The following ST13 variants were observed in gnomAD, a reference collection of about 807,000 sequenced individuals.
The protein encoded by ST13 is hsc70-interacting protein.
ST13 carries 23 observed loss-of-function variants against 56.7 expected under a neutral mutation model. That is an observed-to-expected ratio of 0.41 (90% confidence interval 0.29 to 0.57). ST13 has a LOEUF of 0.57. Ranked by LOEUF, ST13 falls within the 20% of genes least tolerant of loss-of-function variation. The probability of loss-of-function intolerance (pLI) is 0.36; values close to 1 mark genes in which losing one functional copy is unlikely to be tolerated. For synonymous variants in ST13, 132 were observed against 142.4 expected (o/e 0.93, Z 0.52); for missense variants, 369 against 459.9 (o/e 0.80, Z 1.81).
chr22:40,827,439 A>T, intron 10 of ST13, among the ~76,000 whole-genome samples: 1 of 152,092 alleles, frequency 6.6e-6, no homozygotes, highest in Non-Finnish European at 1.5e-5. Context: ...AGACTTTGCT[A>T]CCTCCTGGAT....
chr22:40,847,515 C>T (rs963933019), intron 3 of ST13, among the ~76,000 whole-genome samples: 1 of 148,510 alleles, frequency 6.7e-6, no homozygotes, highest in African/African-American at 2.5e-5. Flanking sequence ...CACTGCTGCA[C>T]TCCAGCCTGG....
chr22:40,837,187 A>G (rs2057781594), intron 5 of ST13, among the ~76,000 whole-genome samples: 1 of 152,264 alleles, frequency 6.6e-6, no homozygotes, highest in Admixed American at 6.5e-5. Flanking sequence ...AGGACTTGAA[A>G]AGAACTCACA....
intron 1 of ST13, among the ~76,000 whole-genome samples, chr22:40,854,931 T>G (rs2057881477): frequency 6.6e-6 from 1 of 152,174 alleles, no homozygotes; most frequent in Non-Finnish European, 1.5e-5. Flanking sequence ...TTACCAATAT[T>G]CATAAAGTTA....
chr22:40,840,758 T>C, intron 4 of ST13, 66 bp from the exon 5 acceptor site: 1 of 1,402,630 alleles, frequency 7.1e-7, no homozygotes, highest in South Asian at 1.2e-5. Flanking sequence ...ATTCATACTT[T>C]CTTAGGGATG....
chr22:40,840,651 C>T lies in ST13; in HGVS notation c.357G>A (p.Val119=). 1 of 1,609,946 alleles carries T rather than the reference C, an allele frequency of 6.2e-7. No homozygotes were observed. Among genetic ancestry groups the T allele is most frequent in the Non-Finnish European group, 8.5e-7 (1 of 1,179,164 alleles). The change falls in exon 5 of 12, where the codon GTG becomes GTA. Residue 119 remains valine, a synonymous_variant. Transcript: ENST00000216218. ...CATCATTTAGGGCTTCAATAGCAGC[C>T]ACTTTTTTATCATTTGCCTGATCCA... ...EMMDQANDKK[V]AAIEALNDGE...
rs551633155 is a variant in ST13 at position 40,831,100 on chromosome 22, G to A, written c.682-144C>T. On this transcript the variant is annotated intron_variant, in intron 8 of 11. Transcript: ENST00000216218. Reference sequence around the variant, plus strand: ...TCTTGTACAAAAAGACCTAACACAAGCTAAGCCTTTAAGAAAACCAACCTC... The same window carrying A: ...TCTTGTACAAAAAGACCTAACACAAACTAAGCCTTTAAGAAAACCAACCTC... The A allele has an allele frequency of 7.4e-4, 448 of 609,384 alleles. 2 individuals are homozygous for A. The Middle Eastern group carries it at 0.01, about 14-fold the overall frequency. 37.7% of individuals were successfully genotyped at this position (609,384 alleles called of 1,614,324 possible).
intron 7 of ST13, among the ~76,000 whole-genome samples, chr22:40,834,406 T>C (rs1169214957): frequency 2.0e-5 from 3 of 152,200 alleles, no homozygotes; most frequent in Non-Finnish European, 2.9e-5. Context: ...AGCATTGTAG[T>C]AAGTAAATGT....
At position 40,840,335 on chromosome 22, in the gene ST13, C is replaced by CTT. The variant is rs34104893; in HGVS notation, c.382+289_382+290dup. Among the ~76,000 whole-genome samples the CTT allele has an allele frequency of 6.2e-3, 872 of 140,408 alleles. 1 individual carries two copies. The highest frequency in any genetic ancestry group is 8.7e-3 in the Non-Finnish European group (555 of 64,010). The allele number at this position is 140,408 out of a possible 152,430, so 92.1% of individuals were successfully genotyped here. On this transcript the variant is annotated intron_variant, in intron 5 of 11. Coordinates refer to ENST00000216218, the MANE Select transcript of ST13 (RefSeq NM_003932.5). ...GTTAAGGGTCACTGTTCTACTACTACTTTTTTTTTTTTTTTTTAAAGCCTT... is the reference window on the plus strand; with the variant it reads ...GTTAAGGGTCACTGTTCTACTACTACTTTTTTTTTTTTTTTTTTTAAAGCCTT...
intron 1 of ST13, among the ~76,000 whole-genome samples, chr22:40,856,228 C>G (rs2057893933): frequency 6.6e-6 from 1 of 152,148 alleles, no homozygotes; most frequent in Non-Finnish European, 1.5e-5. Flanking sequence ...GTGCGAGGAA[C>G]CCAGCTCTGC....
intron 4 of ST13, among the ~76,000 whole-genome samples, chr22:40,843,192 T>C (rs1427849452): frequency 3.3e-5 from 5 of 152,124 alleles, no homozygotes; most frequent in South Asian, 2.1e-4. Flanking sequence ...CACCTAAAAA[T>C]TGGGCAGATA....
chr22:40,856,628 G>T lies in ST13; in HGVS notation c.-88C>A, dbSNP rs893433560. The T allele has an allele frequency of 2.1e-5, 22 of 1,058,570 alleles. No homozygotes were observed. The South Asian group carries it at 2.4e-4, about 12-fold the overall frequency. The allele number at this position is 1,058,570 out of a possible 1,614,324, so 65.6% of individuals were successfully genotyped here. On this transcript the variant is annotated 5_prime_UTR_variant, in exon 1 of 12. Coordinates refer to ENST00000216218, the MANE Select transcript of ST13 (RefSeq NM_003932.5). ...TCGGCGTGACCGCGCAGAAGGGGGC[G>T]GCTGCCGCAAGACAGAACAGACTAG...
At chr22:40,851,552 T>A (rs1880184685) in intron 1 of ST13, among the ~76,000 whole-genome samples, 1 of 152,134 alleles carries the variant, frequency 6.6e-6, no homozygotes, top group Admixed American at 6.5e-5. Context: ...CGTTACATGC[T>A]CCATTTGGTG....
At chr22:40,847,314 A>T (rs1364476585) in intron 3 of ST13, among the ~76,000 whole-genome samples, 1 of 151,740 alleles carries the variant, frequency 6.6e-6, no homozygotes, top group Non-Finnish European at 1.5e-5. Context: ...CAGGTGGATC[A>T]CCTGAGATCA....
chr22:40,839,429 T>G (rs1159663128), intron 5 of ST13, among the ~76,000 whole-genome samples: 1 of 152,194 alleles, frequency 6.6e-6, no homozygotes, highest in East Asian at 1.9e-4. Context: ...AGTTTATACA[T>G]GATTTGTTCT....
intron 3 of ST13, 151 bp downstream of exon 3, chr22:40,848,143 T>G: frequency 1.7e-6 from 1 of 584,252 alleles, no homozygotes; most frequent in Non-Finnish European, 3.1e-6. Flanking sequence ...TGTTTCCTTT[T>G]ACTTTCTAAA....
In ST13 at chr22:40,833,938, G is replaced by GT. The variant is rs2057765724; in HGVS notation, c.579-1268dup. 3.3e-5 allele frequency among the ~76,000 whole-genome samples: 5 copies of GT among 152,200 alleles called. No individual in the cohort carries two copies. In the South Asian group the frequency reaches 1.0e-3, roughly 32 times the overall value. ...GCTACACAGAAAAAAATGAATTCAA[G>GT]TAACTTTTCATAGTTATCTTGACTG... On this transcript the variant is annotated intron_variant, in intron 7 of 11. Coordinates refer to ENST00000216218, the MANE Select transcript of ST13 (RefSeq NM_003932.5).
At chr22:40,852,873 G>A (rs1463767267) in intron 1 of ST13, among the ~76,000 whole-genome samples, 1 of 152,158 alleles carries the variant, frequency 6.6e-6, no homozygotes, top group Non-Finnish European at 1.5e-5. Flanking sequence ...CTTACACTGT[G>A]TTCTTCCTAA....
intron 10 of ST13, among the ~76,000 whole-genome samples, chr22:40,827,475 TTTTTTA>T (rs1231424453): frequency 6.6e-6 from 1 of 152,104 alleles, no homozygotes; most frequent in East Asian, 1.9e-4. Context: ...AATAACACTG[TTTTTTA>T]TTTTTGTTTG....
chr22:40,827,273 T>C (rs1358161124), intron 10 of ST13, 44 bp from the exon 11 acceptor site: 1 of 1,600,830 alleles, frequency 6.2e-7, no homozygotes, highest in African/African-American at 1.3e-5. Flanking sequence ...TCCCAAATAT[T>C]CTGACACAGT....
Sources: allele counts gnomAD v4.1 joint callset (sites outside exome capture counted in the v4.1 genomes callset), GRCh38; gene constraint gnomAD v4.1.1; transcripts MANE v1.5; gene names NCBI Gene and HGNC (gene_info 2026-07-23, HGNC 2026-07-21).